The following DLL3 variants were observed in gnomAD, a reference collection of about 807,000 sequenced individuals.
DLL3 encodes the protein delta-like protein 3.
A neutral mutation model predicts 55.0 loss-of-function variants in DLL3; 49 were observed. The observed-to-expected ratio is 0.89, with a 90% confidence interval of 0.71 to 1.13. The LOEUF (loss-of-function observed/expected upper bound fraction) is 1.13. Ranked by LOEUF, DLL3 falls within the 50% of genes most tolerant of loss-of-function variation. The pLI is 0.00. For missense variants in DLL3, 962 were observed against 875.5 expected, an observed-to-expected ratio of 1.10 and a Z score of -1.25; for synonymous variants, 421 against 385.2, an observed-to-expected ratio of 1.09 and a Z score of -1.09.
chr19:39,500,965 G>A (rs911562970), intron 3 of DLL3, among the ~76,000 whole-genome samples: 3 of 151,914 alleles, frequency 2.0e-5, no homozygotes, highest in South Asian at 2.1e-4. Context: ...AGCTCAGGGT[G>A]CGATATGAAT....
chr19:39,507,894 C>T lies in DLL3; in HGVS notation c.1738C>T (p.Pro580Ser), dbSNP rs145264173. The T allele has an allele frequency of 4.3e-6, 7 of 1,614,182 alleles. No homozygotes were observed. Among genetic ancestry groups the T allele is most frequent in the African/African-American group, 1.3e-5 (1 of 75,036 alleles). ...DPQGIYVISA[P>S]SIYAREA ...TCAAGGGATTTATGTCATATCTGCTCCTTCCATCTACGCTCGGGAGGTAGC... is the reference window on the plus strand; with the variant it reads ...TCAAGGGATTTATGTCATATCTGCTTCTTCCATCTACGCTCGGGAGGTAGC... The change falls in exon 8 of 9, where the codon CCT becomes TCT. Residue 580 changes from proline to serine, a missense_variant. Coordinates refer to ENST00000356433, the MANE Select transcript of DLL3 (RefSeq NM_203486.3).
intron 3 of DLL3, among the ~76,000 whole-genome samples, chr19:39,501,569 G>A (rs1005903021): frequency 6.6e-6 from 1 of 152,126 alleles, no homozygotes; most frequent in African/African-American, 2.4e-5. Flanking sequence ...CAATCCACAG[G>A]CTTTGGCTTC....
Position 39,499,176 on chromosome 19 carries a change from C to T in DLL3, c.70-16C>T, listed in dbSNP as rs1167800145. The T allele has an allele frequency of 6.3e-7, 1 of 1,589,890 alleles. No individual in the cohort carries two copies. The highest frequency in any genetic ancestry group is 8.5e-7 in the Non-Finnish European group (1 of 1,172,574). On this transcript the variant is annotated splice_polypyrimidine_tract_variant and intron_variant, in intron 1 of 8. Coordinates refer to ENST00000356433, the MANE Select transcript of DLL3 (RefSeq NM_203486.3). ...GTCCTCCCGGCCGCCTCACCCTGCG[C>T]CCGTCTCCGTCCCAGACACGGCCCG...
At chr19:39,501,380 T>C (rs371512712) in intron 3 of DLL3, among the ~76,000 whole-genome samples, 1 of 151,974 alleles carries the variant, frequency 6.6e-6, no homozygotes, top group African/African-American at 2.4e-5. Flanking sequence ...CCAAGGCGAA[T>C]ATTGAGCAGA....
chr19:39,503,021 C>A lies in DLL3; in HGVS notation c.616C>A (p.Pro206Thr). Residue 206 changes from proline (P) to threonine (T), a missense_variant, in exon 4 of 9, where the codon CCC becomes ACC. By Grantham distance (38) the Pro-to-Thr change is conservative (BLOSUM62 -1). Transcript: ENST00000356433. ...CTCGCGGTGCGGTCCGGGACTGCGC[C>A]CCTGCGCACCGCTCGAGGACGAATG... ...APSRCGPGLRPCAPLEDECEA... is the reference protein window; with the variant it reads ...APSRCGPGLRTCAPLEDECEA... 3 of 1,511,924 alleles carry A rather than the reference C, an allele frequency of 2.0e-6. No homozygotes were observed. The highest frequency in any genetic ancestry group is 2.6e-5 in the East Asian group (1 of 38,050). 93.7% of individuals were successfully genotyped at this position (1,511,924 alleles called of 1,614,324 possible).
chr19:39,504,949 G>A (rs1421020423), intron 5 of DLL3, among the ~76,000 whole-genome samples: 1 of 152,130 alleles, frequency 6.6e-6, no homozygotes, highest in African/African-American at 2.4e-5. Flanking sequence ...AGACAGAAGC[G>A]AGCAGGGCAG....
In DLL3 at chr19:39,499,320, TGG is replaced by T; in HGVS notation, c.200_201del (p.Gly67AlafsTer33). On this transcript the variant is annotated frameshift_variant, in exon 2 of 9. Transcript: ENST00000356433. LOFTEE classifies it high-confidence loss of function. The stretch of plus-strand genomic sequence containing the variant: ...TCTTCTTCAGAGTCTGCCTGAAGCC[TGG>T]GCTCTCAGAGGAGGCCGCCGAGTCC... ...RLFFRVCLKP[G>X]LSEEAAESPC... is the part of the protein sequence containing the mutation. 6.5e-7 allele frequency: 1 copy of T among 1,546,716 alleles called. No individual in the cohort carries two copies. The highest frequency in any genetic ancestry group is 8.7e-7 in the Non-Finnish European group (1 of 1,150,718).
chr19:39,502,791 C>A (rs751710148), intron 3 of DLL3, 24 bp from the exon 4 acceptor site: 241 of 1,399,458 alleles, frequency 1.7e-4, no homozygotes, highest in Non-Finnish European at 2.2e-4. Flanking sequence ...CACCCCAGCA[C>A]CCCTCCTTTG....
In DLL3 at chr19:39,507,139, C is replaced by G; in HGVS notation, c.1194C>G (p.Arg398=). The G allele has an allele frequency of 2.0e-6, 3 of 1,508,142 alleles. No homozygotes were observed. Among genetic ancestry groups the G allele is most frequent in the Non-Finnish European group, 2.6e-6 (3 of 1,137,036 alleles). 93.4% of individuals were successfully genotyped at this position (1,508,142 alleles called of 1,614,324 possible). A position where few individuals can be genotyped will look rare whatever the true frequency, so the allele number is the denominator to read the frequency against. The change falls in exon 7 of 9, where the codon CGC becomes CGG. Residue 398 remains arginine (R), a synonymous_variant. Transcript: ENST00000356433. ...CEHDLDDCAG[R]ACANGGTCVE... is the part of the protein sequence containing the mutation. ...ACGACCTGGACGACTGCGCGGGCCG[C>G]GCCTGCGCTAACGGCGGCACGTGTG...
chr19:39,502,182 G>A (rs1568448923), intron 3 of DLL3, among the ~76,000 whole-genome samples: 1 of 151,454 alleles, frequency 6.6e-6, no homozygotes, highest in African/African-American at 2.4e-5. Flanking sequence ...GTGAGACTCC[G>A]TCGCAAAAAA....
Position 39,507,210 on chromosome 19 carries a change from G to A in DLL3, c.1265G>A (p.Gly422Asp), listed in dbSNP as rs1192265172. The A allele has an allele frequency of 8.3e-6, 11 of 1,321,688 alleles. No individual in the cohort carries two copies. The highest frequency in any genetic ancestry group is 1.1e-5 in the Non-Finnish European group (11 of 1,046,028). 81.9% of individuals were successfully genotyped at this position (1,321,688 alleles called of 1,614,324 possible). A position where few individuals can be genotyped will look rare whatever the true frequency, so the allele number is the denominator to read the frequency against. ...AHRCSCALGF[G>D]GRDCRERADP... Reference sequence around the variant, plus strand: ...CGCTGCTCCTGCGCGCTGGGCTTCGGCGGCCGCGACTGCCGCGAGCGCGCG... The same window carrying A: ...CGCTGCTCCTGCGCGCTGGGCTTCGACGGCCGCGACTGCCGCGAGCGCGCG... The change falls in exon 7 of 9, where the codon GGC becomes GAC. Residue 422 changes from glycine to aspartate, a missense_variant. Gly to Asp is a moderately conservative substitution (Grantham distance 94, BLOSUM62 -1). Coordinates refer to ENST00000356433, the MANE Select transcript of DLL3 (RefSeq NM_203486.3).
intron 6 of DLL3, 115 bp from the exon 7 acceptor site, chr19:39,506,924 C>A: frequency 8.7e-7 from 1 of 1,150,994 alleles, no homozygotes; most frequent in Non-Finnish European, 1.2e-6. Context: ...GACGCTGGCC[C>A]TTAAGTTAGA....
At position 39,503,062 on chromosome 19, in the gene DLL3, G is replaced by T; in HGVS notation, c.652+5G>T. 1 of 1,522,838 alleles carries T rather than the reference G, an allele frequency of 6.6e-7. No homozygotes were observed. Among genetic ancestry groups the T allele is most frequent in the Non-Finnish European group, 8.8e-7 (1 of 1,141,976 alleles). The allele number at this position is 1,522,838 out of a possible 1,614,324, so 94.3% of individuals were successfully genotyped here. A position where few individuals can be genotyped will look rare whatever the true frequency, so the allele number is the denominator to read the frequency against. On this transcript the variant is annotated splice_donor_5th_base_variant and intron_variant, in intron 4 of 8. Transcript: ENST00000356433. ...AGGACGAATGTGAGGCGCCGCGTGA[G>T]TCCTGCGTTCGACCCCACCCCGTCC...
intron 6 of DLL3, among the ~76,000 whole-genome samples, chr19:39,506,836 CA>C (rs952698871): frequency 3.9e-5 from 6 of 152,084 alleles, no homozygotes; most frequent in Non-Finnish European, 7.4e-5. Context: ...CACCGAGAGC[CA>C]AAGAGGTGGA....
chr19:39,503,556 G>A (rs2079623377), intron 4 of DLL3, among the ~76,000 whole-genome samples: 1 of 152,120 alleles, frequency 6.6e-6, no homozygotes, highest in Non-Finnish European at 1.5e-5. Context: ...CCCTCCCTAG[G>A]GTTGCAGGCC....
chr19:39,506,204 TC>T (rs2079639673), intron 6 of DLL3, among the ~76,000 whole-genome samples: 1 of 95,046 alleles, frequency 1.1e-5, no homozygotes, highest in African/African-American at 4.5e-5. Flanking sequence ...AGAGTGACAC[TC>T]TGTCTCAAAA....
At chr19:39,505,784 G>C (rs1018242774) in intron 6 of DLL3, 97 of 315,552 alleles carry the variant, frequency 3.1e-4, no homozygotes, top group Admixed American at 3.9e-4. Context: ...ACTGAGATGA[G>C]GTCAGGGAGG....
At chr19:39,501,454 G>T (rs2079609340) in intron 3 of DLL3, among the ~76,000 whole-genome samples, 2 of 151,978 alleles carry the variant, frequency 1.3e-5, no homozygotes, top group Admixed American at 1.3e-4. Context: ...GCTATGTAAG[G>T]CCCACAGCGG....
chr19:39,508,024 G>A, intron 8 of DLL3, 110 bp downstream of exon 8: 1 of 1,610,628 alleles, frequency 6.2e-7, no homozygotes, highest in South Asian at 1.1e-5. Flanking sequence ...ATTGGGTAGA[G>A]TCTCTGGAAG....
Sources: allele counts gnomAD v4.1 joint callset (sites outside exome capture counted in the v4.1 genomes callset), GRCh38; gene constraint gnomAD v4.1.1; transcripts MANE v1.5; gene names NCBI Gene and HGNC (gene_info 2026-07-23, HGNC 2026-07-21).